The following EBF2 variants were observed in gnomAD, a reference collection of about 807,000 sequenced individuals.
EBF2 encodes the protein EBF transcription factor 2.
EBF2 carries 21 observed loss-of-function variants against 72.8 expected under a neutral mutation model. The observed-to-expected ratio is 0.29, with a 90% confidence interval of 0.20 to 0.42. EBF2 has a LOEUF of 0.42. Ranked by LOEUF, EBF2 falls within the 10% of genes least tolerant of loss-of-function variation. The pLI, the probability that EBF2 is intolerant of heterozygous loss-of-function variation, is 1.00. For missense variants in EBF2, 637 were observed against 731.2 expected (o/e 0.87, Z 1.49); for synonymous variants, 299 against 274.2 (o/e 1.09, Z -0.89).
chr8:25,846,010 T>C (rs1295233038), intron 15 of EBF2, among the ~76,000 whole-genome samples: 1 of 152,188 alleles, frequency 6.6e-6, no homozygotes, highest in Non-Finnish European at 1.5e-5. Flanking sequence ...TCGGGTAAAA[T>C]TGTCAGCTGT....
intron 6 of EBF2, among the ~76,000 whole-genome samples, chr8:25,950,391 G>A (rs1179841637): frequency 6.6e-6 from 1 of 152,202 alleles, no homozygotes; most frequent in Admixed American, 6.5e-5. Flanking sequence ...TAAAAGGCTA[G>A]AAAGCACAAG....
chr8:25,902,956 G>A (rs1274600869), intron 7 of EBF2, among the ~76,000 whole-genome samples: 1 of 152,208 alleles, frequency 6.6e-6, no homozygotes, highest in East Asian at 1.9e-4. Flanking sequence ...AGGCATGGCA[G>A]GTTTTCCTGG....
intron 10 of EBF2, among the ~76,000 whole-genome samples, chr8:25,880,455 C>T (rs577740657): frequency 5.1e-4 from 78 of 152,282 alleles, no homozygotes; most frequent in Non-Finnish European, 9.3e-4. Flanking sequence ...TAATGCCTAA[C>T]TAGTTGGCCC....
At chr8:25,954,395 C>G (rs967588985) in intron 6 of EBF2, among the ~76,000 whole-genome samples, 1 of 152,164 alleles carries the variant, frequency 6.6e-6, no homozygotes, top group Admixed American at 6.5e-5. Context: ...CACCTTCGCG[C>G]GCAGGGAGAT....
chr8:26,015,374 G>A (rs908364775), intron 6 of EBF2, among the ~76,000 whole-genome samples: 1 of 152,104 alleles, frequency 6.6e-6, no homozygotes, highest in Non-Finnish European at 1.5e-5. Flanking sequence ...CTGCCACAAG[G>A]GCATGCCCTT....
intron 10 of EBF2, among the ~76,000 whole-genome samples, chr8:25,884,814 A>G (rs964801928): frequency 2.6e-5 from 4 of 152,198 alleles, no homozygotes; most frequent in African/African-American, 9.6e-5. Context: ...GAAAATTCAA[A>G]GGCTAAATTT....
intron 6 of EBF2, among the ~76,000 whole-genome samples, chr8:25,987,380 G>C (rs1015237169): frequency 2.6e-5 from 4 of 152,164 alleles, no homozygotes; most frequent in Non-Finnish European, 5.9e-5. Flanking sequence ...GCTTGCTCAA[G>C]TTCACACAGT....
intron 6 of EBF2, among the ~76,000 whole-genome samples, chr8:25,996,287 C>A (rs1804629152): frequency 2.7e-5 from 3 of 112,598 alleles, no homozygotes; most frequent in African/African-American, 7.0e-5. Flanking sequence ...CAGAGTGAGA[C>A]CCTGTCTCAA....
intron 6 of EBF2, among the ~76,000 whole-genome samples, chr8:25,997,784 C>T (rs1159267320): frequency 6.6e-6 from 1 of 152,064 alleles, no homozygotes; most frequent in Non-Finnish European, 1.5e-5. Flanking sequence ...ATGGGGCAAT[C>T]CCATAGAACC....
Position 26,044,275 on chromosome 8 carries a change from G to T in EBF2, c.131+454C>A, listed in dbSNP as rs549051813. ...GCCGGCCTCCCAGGCTCCAGGAATC[G>T]CCCAGCAAGATGCGGGAGGTAGGCG... is the stretch of plus-strand genomic sequence containing the variant. On this transcript the variant is annotated intron_variant, in intron 1 of 15. Transcript: ENST00000520164. This position sits in a 1 kb window ranked among gnomAD's most constrained non-coding sequence, Gnocchi z 4.1. Among the ~76,000 whole-genome samples the T allele has an allele frequency of 6.6e-6, 1 of 152,186 alleles. No homozygotes were observed. The highest frequency in any genetic ancestry group is 1.5e-5 in the Non-Finnish European group (1 of 67,984).
intron 6 of EBF2, among the ~76,000 whole-genome samples, chr8:25,914,194 C>G (rs1051524363): frequency 6.6e-6 from 1 of 152,188 alleles, no homozygotes; most frequent in African/African-American, 2.4e-5. Context: ...CACTCTGCTT[C>G]GTATGGTAAG....
intron 6 of EBF2, among the ~76,000 whole-genome samples, chr8:26,028,687 T>G (rs1302976305): frequency 6.6e-6 from 1 of 152,232 alleles, no homozygotes; most frequent in Non-Finnish European, 1.5e-5. Context: ...CAACCAAGTT[T>G]GAATTAGAGC....
intron 10 of EBF2, among the ~76,000 whole-genome samples, chr8:25,867,482 C>T (rs914550043): frequency 2.6e-5 from 4 of 152,194 alleles, no homozygotes; most frequent in African/African-American, 9.7e-5. Flanking sequence ...GCTTCCTGAA[C>T]TTACACTGCC....
At chr8:25,957,489 C>G (rs1803969404) in intron 6 of EBF2, among the ~76,000 whole-genome samples, 1 of 152,164 alleles carries the variant, frequency 6.6e-6, no homozygotes, top group Non-Finnish European at 1.5e-5. Context: ...CCACTGCCTC[C>G]CATCCCCACT....
chr8:25,988,399 A>C (rs2117206896), intron 6 of EBF2, among the ~76,000 whole-genome samples: 1 of 152,348 alleles, frequency 6.6e-6, no homozygotes, highest in South Asian at 2.1e-4. Flanking sequence ...GAGTTTTATA[A>C]GTCCATATAC....
At chr8:26,026,793 C>G (rs996613377) in intron 6 of EBF2, among the ~76,000 whole-genome samples, 10 of 152,192 alleles carry the variant, frequency 6.6e-5, no homozygotes, top group Non-Finnish European at 1.3e-4. Flanking sequence ...ACACCAAAAT[C>G]TTTCTCTCTG....
chr8:26,039,897 C>G lies in EBF2; in HGVS notation c.482+131G>C, dbSNP rs1331160208. The G allele has an allele frequency of 8.1e-6, 7 of 863,496 alleles. No individual in the cohort carries two copies. In the Admixed American group the frequency reaches 1.1e-4, roughly 14 times the overall value. The allele number at this position is 863,496 out of a possible 1,614,324, so 53.5% of individuals were successfully genotyped here. ...GTTTCCGTGGATCTACACTCTGCGC[C>G]CGTCTGCCCGCGAGGCCTCCCAGCT... On this transcript the variant is annotated intron_variant, in intron 5 of 15. Transcript: ENST00000520164.
intron 6 of EBF2, among the ~76,000 whole-genome samples, chr8:25,983,298 T>A (rs772491841): frequency 1.3e-5 from 2 of 152,124 alleles, no homozygotes; most frequent in Non-Finnish European, 2.9e-5. Flanking sequence ...CACAAAATCA[T>A]GTGGACTCAA....
At chr8:25,946,231 T>A (rs192425717) in intron 6 of EBF2, among the ~76,000 whole-genome samples, 1 of 152,194 alleles carries the variant, frequency 6.6e-6, no homozygotes, top group African/African-American at 2.4e-5. Flanking sequence ...AAAATCACTT[T>A]GGGAGTGGGG....
Sources: allele counts gnomAD v4.1 joint callset (sites outside exome capture counted in the v4.1 genomes callset), GRCh38; gene constraint gnomAD v4.1.1; non-coding constraint Gnocchi (gnomAD v3.1); transcripts MANE v1.5; gene names NCBI Gene and HGNC (gene_info 2026-07-23, HGNC 2026-07-21).